A4GALT: variants seen among roughly 807,000 people sequenced by gnomAD.
A4GALT encodes alpha 1,4-galactosyltransferase (P1PK blood group).
For missense variants in A4GALT, 512 were observed against 486.0 expected (o/e 1.05, Z -0.50); for synonymous variants, 257 against 220.7 (o/e 1.16, Z -1.46).
intron 1 of A4GALT, among the ~76,000 whole-genome samples, chr22:42,710,238 G>A (rs1364852798): frequency 6.6e-6 from 1 of 152,044 alleles, no homozygotes; most frequent in Non-Finnish European, 1.5e-5. Flanking sequence ...TGTATACCTG[G>A]AAAAGTCAAG....
intron 1 of A4GALT, among the ~76,000 whole-genome samples, chr22:42,696,115 C>G (rs1930908363): frequency 3.4e-5 from 1 of 29,388 alleles, no homozygotes; most frequent in Non-Finnish European, 5.8e-5. Flanking sequence ...GAGCCAGACT[C>G]TATCTCAAAA....
chr22:42,700,277 C>T (rs1464517979), intron 1 of A4GALT, among the ~76,000 whole-genome samples: 1 of 152,244 alleles, frequency 6.6e-6, no homozygotes, highest in African/African-American at 2.4e-5. Context: ...CAGCCGACAG[C>T]AGGAGCTCAA....
intron 1 of A4GALT, among the ~76,000 whole-genome samples, chr22:42,708,545 AGAAG>A (rs560108193): frequency 0.019 from 2,174 of 116,570 alleles, 28 homozygotes; most frequent in African/African-American, 0.034. Context: ...GAGGAAAGAG[AGAAG>A]GAAGGAAGGA....
intron 1 of A4GALT, among the ~76,000 whole-genome samples, chr22:42,719,906 G>A (rs1466457554): frequency 2.0e-5 from 3 of 152,198 alleles, no homozygotes; most frequent in Admixed American, 1.3e-4. Context: ...GTGTCGTGAG[G>A]GAAAGGTGGG....
chr22:42,712,466 G>A (rs146168330), intron 1 of A4GALT, among the ~76,000 whole-genome samples: 151 of 152,324 alleles, frequency 9.9e-4, no homozygotes, highest in African/African-American at 3.5e-3. Context: ...CTCTTCACAG[G>A]GAAATCTTGC....
intron 1 of A4GALT, among the ~76,000 whole-genome samples, 160 bp downstream of exon 1, chr22:42,720,637 G>A (rs1392219821): frequency 6.6e-6 from 1 of 151,986 alleles, no homozygotes; most frequent in East Asian, 1.9e-4. Flanking sequence ...GGGTTCGTGC[G>A]CGCACAAATG....
At position 42,692,289 on chromosome 22, in the gene A4GALT, GGAA is replaced by G. The variant is rs1930488568; in HGVS notation, c.*598_*600del. On this transcript the variant is annotated 3_prime_UTR_variant, in exon 3 of 3. Coordinates refer to ENST00000642412, the MANE Select transcript of A4GALT (RefSeq NM_017436.7). The surrounding 1 kb of genome is among the most constrained non-coding windows in gnomAD (Gnocchi z 4.6). ...CACGCCCCCCTGGCATCTCTGGAGA[GGAA>G]GAAGGATGGGGTGGGCAGAAGGGGC... 2 of 249,244 alleles carry G rather than the reference GGAA, an allele frequency of 8.0e-6. No individual in the cohort carries two copies. Among genetic ancestry groups the G allele is most frequent in the South Asian group, 4.9e-5 (1 of 20,238 alleles). 15.4% of individuals were successfully genotyped at this position (249,244 alleles called of 1,614,324 possible).
chr22:42,718,324 C>G (rs548785079), intron 1 of A4GALT: 2 of 152,306 alleles, frequency 1.3e-5, no homozygotes, highest in East Asian at 1.9e-4. Context: ...TGCAGTGGCG[C>G]CATCTCGGCT....
intron 1 of A4GALT, among the ~76,000 whole-genome samples, chr22:42,712,238 G>T (rs1383860045): frequency 6.6e-6 from 1 of 152,150 alleles, no homozygotes; most frequent in African/African-American, 2.4e-5. Context: ...CTTCTCAGGG[G>T]CAGAGTGAAA....
intron 1 of A4GALT, among the ~76,000 whole-genome samples, chr22:42,697,907 G>A (rs760822042): frequency 5.9e-5 from 9 of 152,142 alleles, no homozygotes; most frequent in Admixed American, 2.0e-4. Flanking sequence ...GGCTCCCATC[G>A]CCAGGATTCC....
At chr22:42,694,790 T>A (rs992407533) in intron 2 of A4GALT, 5 of 152,082 alleles carry the variant, frequency 3.3e-5, no homozygotes, top group African/African-American at 1.2e-4. Flanking sequence ...ACCGACAGGA[T>A]AGGACGCTGG....
At chr22:42,704,965 A>T in intron 1 of A4GALT, among the ~76,000 whole-genome samples, 1 of 152,162 alleles carries the variant, frequency 6.6e-6, no homozygotes, top group Admixed American at 6.5e-5. Flanking sequence ...AGAAGGCATG[A>T]GCTACGGCCA....
intron 1 of A4GALT, among the ~76,000 whole-genome samples, chr22:42,709,067 A>ATATATATATATATATATATTT (rs1180529043): frequency 1.6e-5 from 2 of 128,804 alleles, no homozygotes; most frequent in Non-Finnish European, 3.3e-5. Context: ...ATATATATAT[A>ATATATATATATATATATATTT]TTTTTTTTAA....
chr22:42,692,927 C>T lies in A4GALT; in HGVS notation c.1025G>A (p.Cys342Tyr). ...TTTCATGGCCTCGTGCGTCGTGGGG[C>T]AGTAGCGGGCATGCAGCTGGGCCAG... ...ALLAQLHARY[C>Y]PTTHEAMKMY... is the part of the protein sequence containing the mutation. Residue 342 changes from cysteine to tyrosine, a missense_variant, in exon 3 of 3, where the codon TGC becomes TAC. Physicochemically the swap from Cys to Tyr is radical, Grantham distance 194. Transcript: ENST00000642412. This position sits in a 1 kb window ranked among gnomAD's most constrained non-coding sequence, Gnocchi z 4.6. 6.2e-7 allele frequency: 1 copy of T among 1,608,542 alleles called. No individual in the cohort carries two copies.
At chr22:42,713,285 A>G (rs190277089) in intron 1 of A4GALT, among the ~76,000 whole-genome samples, 2 of 152,282 alleles carry the variant, frequency 1.3e-5, no homozygotes, top group African/African-American at 4.8e-5. Flanking sequence ...GGAGGTGACA[A>G]TTCACAGGTG....
In A4GALT at chr22:42,696,038, G is replaced by A. The variant is rs191129028; in HGVS notation, c.-187-407C>T. Among the ~76,000 whole-genome samples the A allele has an allele frequency of 2.2e-4, 33 of 148,296 alleles. No individual in the cohort carries two copies. In the East Asian group the frequency reaches 6.1e-3, roughly 27 times the overall value. On this transcript the variant is annotated intron_variant, in intron 1 of 2. Transcript: ENST00000642412. ...CTCAGGTGACTGAGGCAGGAGAATC[G>A]CTTGAACCAGGGAGGCGGAGGTTGC...
intron 1 of A4GALT, among the ~76,000 whole-genome samples, chr22:42,704,420 G>A (rs991368847): frequency 3.3e-5 from 5 of 152,014 alleles, no homozygotes; most frequent in Non-Finnish European, 5.9e-5. Context: ...CTGGTAGGCG[G>A]AGATTGCAGT....
chr22:42,702,428 G>T (rs764153637), intron 1 of A4GALT, among the ~76,000 whole-genome samples: 1 of 149,302 alleles, frequency 6.7e-6, no homozygotes, highest in Non-Finnish European at 1.5e-5. Context: ...GCCAACTTCC[G>T]CCGCCCGGGT....
chr22:42,718,014 A>C (rs2143918), intron 1 of A4GALT, among the ~76,000 whole-genome samples: 64,443 of 152,098 alleles, frequency 0.42, 15,424 homozygotes, highest in East Asian at 0.82. Context: ...TTACCAGGTT[A>C]ATTCCTTCCC....
Sources: gnomAD v4.1 joint callset for allele counts (sites outside exome capture counted in the v4.1 genomes callset) on GRCh38, gnomAD v4.1.1 for gene constraint, Gnocchi (gnomAD v3.1) non-coding constraint, MANE v1.5 for transcripts, NCBI Gene and HGNC (gene_info 2026-07-23, HGNC 2026-07-21) for gene names.